Variants in SORBS2 observed in about 807,000 individuals in gnomAD.
SORBS2 encodes sorbin and SH3 domain-containing protein 2.
Under a neutral mutation model 97.7 loss-of-function variants are expected in SORBS2, and 46 were observed. That is an observed-to-expected ratio of 0.47 (90% confidence interval 0.37 to 0.60). The LOEUF is 0.60. Among genes scored for constraint, SORBS2 ranks in the 20% least tolerant of loss-of-function variants. The probability of loss-of-function intolerance (pLI) is 0.00; values close to 1 mark genes in which losing one functional copy is unlikely to be tolerated. For missense variants in SORBS2, 1,316 were observed against 1,282.3 expected, an observed-to-expected ratio of 1.03 and a Z score of -0.40; for synonymous variants, 476 against 473.4, an observed-to-expected ratio of 1.01 and a Z score of -0.07.
At chr4:185,742,080 C>A (rs766150103) in intron 2 of SORBS2, among the ~76,000 whole-genome samples, 8 of 152,232 alleles carry the variant, frequency 5.3e-5, no homozygotes, top group Non-Finnish European at 1.0e-4. Flanking sequence ...GGACTTGTCT[C>A]TCTGGCTTGT....
intron 12 of SORBS2, among the ~76,000 whole-genome samples, chr4:185,609,878 A>G (rs1189198092): frequency 1.3e-5 from 2 of 152,186 alleles, no homozygotes; most frequent in Admixed American, 6.5e-5. Context: ...ACTTCCGGGA[A>G]GTTTTCTTCA....
chr4:185,780,567 A>G (rs1467769147), intron 1 of SORBS2, among the ~76,000 whole-genome samples: 15 of 152,204 alleles, frequency 9.9e-5, no homozygotes, highest in Admixed American at 9.8e-4. Context: ...TGAAAGGCAG[A>G]TAGAGGCATG....
chr4:185,929,056 T>C (rs1561310283), intron 1 of SORBS2, among the ~76,000 whole-genome samples: 1 of 152,222 alleles, frequency 6.6e-6, no homozygotes, highest in South Asian at 2.1e-4. Context: ...ATCACAATTA[T>C]AGTGATATTC....
At chr4:185,843,651 C>A (rs2099212911) in intron 1 of SORBS2, among the ~76,000 whole-genome samples, 1 of 150,296 alleles carries the variant, frequency 6.7e-6, no homozygotes, top group Non-Finnish European at 1.5e-5. Context: ...GCTTTGTATG[C>A]TGAAAACTAT....
chr4:185,879,118 C>T (rs1348708019), intron 1 of SORBS2, among the ~76,000 whole-genome samples: 1 of 147,704 alleles, frequency 6.8e-6, no homozygotes, highest in Non-Finnish European at 1.5e-5. Context: ...GTGTGCTGCA[C>T]CCATTAACTC....
At chr4:185,597,420 C>T (rs1001995189) in intron 12 of SORBS2, among the ~76,000 whole-genome samples, 33 of 151,616 alleles carry the variant, frequency 2.2e-4, no homozygotes, top group Admixed American at 2.0e-3. Flanking sequence ...GTGTCTCGGT[C>T]ACGTAAAAAA....
rs1425501554 is a variant in SORBS2 at position 185,731,858 on chromosome 4, CTCTCTCTCTATATATATATATATATA to C, written c.-198+43343_-198+43368del. On this transcript the variant is annotated intron_variant, in intron 2 of 20. Coordinates refer to the SORBS2 transcript ENST00000284776. ...TCTCTCTCTCTCTCTCTCTCTCTCT[CTCTCTCTCTATATATATATATATATA>C]TATATATATATATATATATATATAT... Among the ~76,000 whole-genome samples, 32 of 36,094 alleles carry C rather than the reference CTCTCTCTCTATATATATATATATATA, an allele frequency of 8.9e-4. 1 individual carries two copies. The highest frequency in any genetic ancestry group is 6.8e-3 in the South Asian group (6 of 888). 23.7% of individuals were successfully genotyped at this position (36,094 alleles called of 152,430 possible).
At chr4:185,619,785 C>T (rs2096686767) in intron 8 of SORBS2, among the ~76,000 whole-genome samples, 1 of 152,140 alleles carries the variant, frequency 6.6e-6, no homozygotes, top group Non-Finnish European at 1.5e-5. Context: ...ACTTTTAGGT[C>T]ATAATGGTTA....
chr4:185,829,186 T>C (rs538745392), intron 1 of SORBS2, among the ~76,000 whole-genome samples: 1 of 152,344 alleles, frequency 6.6e-6, no homozygotes, highest in African/African-American at 2.4e-5. Context: ...GCAATCATCA[T>C]ACTCTTGCTG....
intron 2 of SORBS2, among the ~76,000 whole-genome samples, chr4:185,747,845 G>T (rs2098773022): frequency 6.6e-6 from 1 of 152,084 alleles, no homozygotes; most frequent in African/African-American, 2.4e-5. Context: ...CAAAAAATTA[G>T]CCGGGCACGG....
chr4:185,744,622 C>T lies in SORBS2; in HGVS notation c.-198+30605G>A, dbSNP rs921900815. Among the ~76,000 whole-genome samples the T allele has an allele frequency of 2.0e-5, 3 of 152,196 alleles. 1 individual carries two copies. Among genetic ancestry groups the T allele is most frequent in the Admixed American group, 2.0e-4 (3 of 15,282 alleles). On this transcript the variant is annotated intron_variant, in intron 2 of 20. Coordinates refer to the SORBS2 transcript ENST00000284776. Reference sequence around the variant, plus strand: ...GGTGGCACTAATGAGCCTGCCACATCGGATTAATCTTTGAATGTTCAGAAT... The same window carrying T: ...GGTGGCACTAATGAGCCTGCCACATTGGATTAATCTTTGAATGTTCAGAAT...
intron 1 of SORBS2, among the ~76,000 whole-genome samples, chr4:185,938,994 G>C (rs930917204): frequency 6.6e-6 from 1 of 152,146 alleles, no homozygotes; most frequent in African/African-American, 2.4e-5. Flanking sequence ...AAACTGCCTG[G>C]TGATTCTAAC....
chr4:185,769,718 G>A lies in SORBS2; in HGVS notation c.-198+5509C>T, dbSNP rs188182770. 1.9e-3 allele frequency among the ~76,000 whole-genome samples: 291 copies of A among 152,250 alleles called. 3 individuals are homozygous for A. Among genetic ancestry groups the A allele is most frequent in the African/African-American group, 6.6e-3 (276 of 41,550 alleles). ...TTGGTCAGGCTAGTCTCGAACTCCC[G>A]ACCTCAGGTGATCCACCCGCCTTGG... On this transcript the variant is annotated intron_variant, in intron 2 of 20. Coordinates refer to the SORBS2 transcript ENST00000284776.
intron 4 of SORBS2, among the ~76,000 whole-genome samples, chr4:185,639,262 T>C (rs2097088463): frequency 6.6e-6 from 1 of 152,158 alleles, no homozygotes; most frequent in Non-Finnish European, 1.5e-5. Context: ...CTGCCTGCTC[T>C]GAGCTGAGAA....
chr4:185,798,521 A>G (rs2153655361), intron 1 of SORBS2, among the ~76,000 whole-genome samples: 2 of 152,324 alleles, frequency 1.3e-5, no homozygotes, highest in South Asian at 2.1e-4. Flanking sequence ...TCAACATTTA[A>G]CCTAAGTGTA....
At chr4:185,840,890 A>G (rs1410996171) in intron 1 of SORBS2, among the ~76,000 whole-genome samples, 2 of 152,042 alleles carry the variant, frequency 1.3e-5, no homozygotes, top group Non-Finnish European at 2.9e-5. Context: ...CCAAGGAGAG[A>G]TGCTCCAAAC....
chr4:185,869,709 G>T (rs1442741666), intron 1 of SORBS2, among the ~76,000 whole-genome samples: 1 of 152,172 alleles, frequency 6.6e-6, no homozygotes, highest in Non-Finnish European at 1.5e-5. Flanking sequence ...TTTGAGTTTG[G>T]GTAGGCAAGT....
chr4:185,748,783 A>G (rs1360295151), intron 2 of SORBS2, among the ~76,000 whole-genome samples: 1 of 152,222 alleles, frequency 6.6e-6, no homozygotes, highest in Non-Finnish European at 1.5e-5. Context: ...AACCTGGCTT[A>G]TGATTAGAGC....
chr4:185,922,514 A>T (rs576728099), intron 1 of SORBS2, among the ~76,000 whole-genome samples: 2 of 152,328 alleles, frequency 1.3e-5, no homozygotes, highest in South Asian at 4.2e-4. Flanking sequence ...TATTTCAGGA[A>T]CTTTTCTCAT....
Sources: allele counts gnomAD v4.1 joint callset (sites outside exome capture counted in the v4.1 genomes callset), GRCh38; gene constraint gnomAD v4.1.1; transcripts MANE v1.5; gene names NCBI Gene and HGNC (gene_info 2026-07-23, HGNC 2026-07-21).